The following ADCK2 variants were observed in gnomAD, a reference collection of about 807,000 sequenced individuals.
ADCK2 encodes the protein aarF domain containing kinase 2.
Under a neutral mutation model 52.3 loss-of-function variants are expected in ADCK2, and 37 were observed. That is an observed-to-expected ratio of 0.71 (90% CI 0.54 to 0.93). ADCK2 has a LOEUF of 0.93. Among genes scored for constraint, ADCK2 ranks in the 40% least tolerant of loss-of-function variants. ADCK2 has a pLI of 0.00. For missense variants in ADCK2, 695 were observed against 798.7 expected, an observed-to-expected ratio of 0.87 and a Z score of 1.56; for synonymous variants, 321 against 349.2, an observed-to-expected ratio of 0.92 and a Z score of 0.90.
intron 2 of ADCK2, among the ~76,000 whole-genome samples, chr7:140,676,228 G>A (rs919833469): frequency 6.6e-6 from 1 of 152,190 alleles, no homozygotes; most frequent in Non-Finnish European, 1.5e-5. Flanking sequence ...GAAGGGGTAA[G>A]GGGTCTGTCT....
Position 140,687,128 on chromosome 7 carries a change from T to C in ADCK2, c.1444T>C (p.Ser482Pro), listed in dbSNP as rs911553458. 34 of 1,613,634 alleles carry C rather than the reference T, an allele frequency of 2.1e-5. No homozygotes were observed. Among genetic ancestry groups the C allele is most frequent in the Admixed American group, 3.3e-5 (2 of 59,984 alleles). Residue 482 changes from serine (S) to proline (P), a missense_variant, in exon 5 of 8, where the codon TCT (serine) becomes CCT (proline). Ser to Pro is a moderately conservative substitution (Grantham distance 74). Coordinates refer to ENST00000072869, the MANE Select transcript of ADCK2 (RefSeq NM_052853.4). ...ICDTLVVAVP[S>P]SLCPLRLVLL... ...TGACACTCTGGTGGTGGCCGTGCCA[T>C]CTTCCCTCTGCCCGCTGCGACTGGT...
chr7:140,685,096 T>G (rs1219987045), intron 4 of ADCK2, among the ~76,000 whole-genome samples: 1 of 151,828 alleles, frequency 6.6e-6, no homozygotes, highest in East Asian at 1.9e-4. Context: ...AAAAAACAAC[T>G]GAATTATAGC....
rs1272946149 is a variant in ADCK2, at chr7:140,678,269, A to C, written c.1081-886A>C. On this transcript the variant is annotated intron_variant, in intron 2 of 7. Transcript: ENST00000072869. The surrounding 1 kb of genome is among the most constrained non-coding windows in gnomAD (Gnocchi z 4.9). ...AGAGAAGGCATGATCTGGGGACTCAAAGGTGACTGAGTGCGTGGGGATGGT... is the reference window on the plus strand; with the variant it reads ...AGAGAAGGCATGATCTGGGGACTCACAGGTGACTGAGTGCGTGGGGATGGT... 6.6e-6 allele frequency among the ~76,000 whole-genome samples: 1 copy of C among 152,166 alleles called. No homozygotes were observed. The highest frequency in any genetic ancestry group is 1.5e-5 in the Non-Finnish European group (1 of 68,022).
At chr7:140,676,572 C>A (rs1352745389) in intron 2 of ADCK2, among the ~76,000 whole-genome samples, 2 of 152,192 alleles carry the variant, frequency 1.3e-5, no homozygotes, top group African/African-American at 4.8e-5. Flanking sequence ...TGAATCACAC[C>A]CCATTTGTCT....
rs1220132793 is a variant in ADCK2, at chr7:140,673,502, G to A, written c.172G>A (p.Gly58Ser). The change falls in exon 1 of 8, where the codon GGT becomes AGT. Residue 58 changes from glycine to serine, a missense_variant. Coordinates refer to ENST00000072869, the MANE Select transcript of ADCK2 (RefSeq NM_052853.4). This position sits in a 1 kb window ranked among gnomAD's most constrained non-coding sequence, Gnocchi z 6.4. ...GGTCGTCTCCCTGTGCGGGGACGTG[G>A]GTGAGGGGGCCCCTGACGTTCTGAG... ...PKVVSLCGDV[G>S]EGAPDVLSRR... 6.2e-7 allele frequency: 1 copy of A among 1,603,114 alleles called. No individual in the cohort carries two copies. The highest frequency in any genetic ancestry group is 1.3e-5 in the African/African-American group (1 of 74,826).
In ADCK2 at chr7:140,673,296, G is replaced by T. The variant is rs1176906052; in HGVS notation, c.-35G>T. 1 of 1,421,918 alleles carries T rather than the reference G, an allele frequency of 7.0e-7. No homozygotes were observed. Among genetic ancestry groups the T allele is most frequent in the African/African-American group, 1.5e-5 (1 of 66,976 alleles). 88.1% of individuals were successfully genotyped at this position (1,421,918 alleles called of 1,614,324 possible). ...CGCCTGAGCGGGCGCCTCTGAAGTG[G>T]AGGGCGGGCCGCCTGGGCCGCGGGC... is the stretch of plus-strand genomic sequence containing the variant. On this transcript the variant is annotated 5_prime_UTR_variant, in exon 1 of 8. Coordinates refer to ENST00000072869, the MANE Select transcript of ADCK2 (RefSeq NM_052853.4). The surrounding 1 kb of genome is among the most constrained non-coding windows in gnomAD (Gnocchi z 6.4).
At chr7:140,675,857 C>T in intron 2 of ADCK2, among the ~76,000 whole-genome samples, 1 of 152,184 alleles carries the variant, frequency 6.6e-6, no homozygotes, top group East Asian at 1.9e-4. Context: ...GCCCTTGGGA[C>T]CTTTGTATAA....
In ADCK2 at chr7:140,678,919, A is replaced by T. The variant is rs1032478396; in HGVS notation, c.1081-236A>T. Among the ~76,000 whole-genome samples the T allele has an allele frequency of 6.6e-6, 1 of 152,146 alleles. No individual in the cohort carries two copies. Among genetic ancestry groups the T allele is most frequent in the Non-Finnish European group, 1.5e-5 (1 of 68,008 alleles). On this transcript the variant is annotated intron_variant, in intron 2 of 7. Coordinates refer to ENST00000072869, the MANE Select transcript of ADCK2 (RefSeq NM_052853.4). The surrounding 1 kb of genome is among the most constrained non-coding windows in gnomAD (Gnocchi z 4.9). ...AGTAGCAGAGAAGCAGTGCAGCCCAAAGCCCACCAGGGCACCTGCCGTCTG... is the reference window on the plus strand; with the variant it reads ...AGTAGCAGAGAAGCAGTGCAGCCCATAGCCCACCAGGGCACCTGCCGTCTG...
At chr7:140,689,217 C>T (rs1794660818) in intron 5 of ADCK2, among the ~76,000 whole-genome samples, 1 of 152,098 alleles carries the variant, frequency 6.6e-6, no homozygotes, top group Non-Finnish European at 1.5e-5. Context: ...ATCCACCTGC[C>T]TCGGCCTCCT....
intron 2 of ADCK2, among the ~76,000 whole-genome samples, chr7:140,675,111 T>C (rs1794376763): frequency 1.3e-5 from 2 of 151,988 alleles, no homozygotes; most frequent in Non-Finnish European, 2.9e-5. Context: ...GGCGTGGTGC[T>C]GCATGCCTGT....
At position 140,674,195 on chromosome 7, in the gene ADCK2, G is replaced by A; in HGVS notation, c.865G>A (p.Gly289Arg). 6.2e-7 allele frequency: 1 copy of A among 1,614,046 alleles called. No homozygotes were observed. The highest frequency in any genetic ancestry group is 8.5e-7 in the Non-Finnish European group (1 of 1,180,022). ...AGCTGACCTGGTTGGATCAAATGCA[G>A]GGGTGTCTCGGGCTCAGGTCCCTGG... ...PKADLVGSNAGVSRAQVPGHQ... is the reference protein window; with the variant it reads ...PKADLVGSNARVSRAQVPGHQ... Residue 289 changes from glycine (G) to arginine (R), a missense_variant, in exon 1 of 8, where the codon GGG (glycine) becomes AGG (arginine). Transcript: ENST00000072869. This position sits in a 1 kb window ranked among gnomAD's most constrained non-coding sequence, Gnocchi z 4.6.
chr7:140,689,512 C>T, intron 5 of ADCK2, 85 bp from the exon 6 acceptor site: 4 of 1,469,636 alleles, frequency 2.7e-6, no homozygotes, highest in East Asian at 2.4e-5. Flanking sequence ...CAGGGTGGAG[C>T]TGCTGAGATG....
chr7:140,688,169 G>C (rs1229525733), intron 5 of ADCK2, among the ~76,000 whole-genome samples: 1 of 151,860 alleles, frequency 6.6e-6, no homozygotes, highest in Admixed American at 6.6e-5. Context: ...CACGCCTCCT[G>C]AGTAGCAGGG....
Position 140,674,563 on chromosome 7 carries a change from A to T in ADCK2, c.934-48A>T, listed in dbSNP as rs1794362114. 6.3e-7 allele frequency: 1 copy of T among 1,581,994 alleles called. No homozygotes were observed. Among genetic ancestry groups the T allele is most frequent in the East Asian group, 2.3e-5 (1 of 44,254 alleles). ...GTGGGACCCAGCCCTGGCTGGGTAA[A>T]ATGTGTCCAGCAGGTTTCTCCTGTC... On this transcript the variant is annotated intron_variant, in intron 1 of 7. Transcript: ENST00000072869. This position sits in a 1 kb window ranked among gnomAD's most constrained non-coding sequence, Gnocchi z 4.6.
chr7:140,681,209 C>CTGGCTATCTGGG, intron 4 of ADCK2, 72 bp downstream of exon 4: 1 of 1,430,964 alleles, frequency 7.0e-7, no homozygotes, highest in Non-Finnish European at 9.8e-7. Flanking sequence ...GGCTGGGACT[C>CTGGCTATCTGGG]TGGCTATCTG....
chr7:140,677,977 T>C (rs1794449276), intron 2 of ADCK2, among the ~76,000 whole-genome samples: 2 of 151,992 alleles, frequency 1.3e-5, no homozygotes. Context: ...GAAGGTGCCA[T>C]GAGAGATGGA....
At position 140,687,167 on chromosome 7, in the gene ADCK2, G is replaced by A. The variant is rs748232543; in HGVS notation, c.1483G>A (p.Gly495Ser). 26 of 1,606,956 alleles carry A rather than the reference G, an allele frequency of 1.6e-5. No homozygotes were observed. The East Asian group carries it at 5.8e-4, about 36-fold the overall frequency. Residue 495 changes from glycine to serine, a missense_variant, in exon 5 of 8, where the codon GGC (glycine) becomes AGC (serine). Physicochemically the swap from Gly to Ser is moderately conservative, Grantham distance 56 (BLOSUM62 0). Transcript: ENST00000072869. ...GCTGCGACTGGTGCTGCTGGATGCTGGCATTGTGGCGGAGCTGCAGGCCCC... is the reference window on the plus strand; with the variant it reads ...GCTGCGACTGGTGCTGCTGGATGCTAGCATTGTGGCGGAGCTGCAGGCCCC... ...CPLRLVLLDA[G>S]IVAELQAPDL...
At chr7:140,679,429 C>A in intron 3 of ADCK2, 146 bp downstream of exon 3, 3 of 1,227,980 alleles carry the variant, frequency 2.4e-6, no homozygotes, top group Non-Finnish European at 2.3e-6. Context: ...TTGGCCTCGG[C>A]GGGAGGCAGT....
At chr7:140,686,578 C>A (rs1160312193) in intron 4 of ADCK2, among the ~76,000 whole-genome samples, 4 of 152,070 alleles carry the variant, frequency 2.6e-5, no homozygotes, top group African/African-American at 7.2e-5. Context: ...CCACACCCGG[C>A]CTTATTTATT....
Sources: gnomAD v4.1 joint callset for allele counts (sites outside exome capture counted in the v4.1 genomes callset) on GRCh38, gnomAD v4.1.1 for gene constraint, Gnocchi (gnomAD v3.1) non-coding constraint, MANE v1.5 for transcripts, NCBI Gene and HGNC (gene_info 2026-07-23, HGNC 2026-07-21) for gene names.